The following CCDC3 variants were observed in gnomAD, a reference collection of about 807,000 sequenced individuals.
CCDC3 encodes coiled-coil domain-containing protein 3.
CCDC3 carries 24 observed loss-of-function variants against 21.4 expected under a neutral mutation model. The observed-to-expected ratio is 1.12, with a 90% CI of 0.81 to 1.58. The LOEUF is 1.58. Ranked by LOEUF, CCDC3 falls within the 40% of genes most tolerant of loss-of-function variation. The probability of loss-of-function intolerance (pLI) is 0.00; values close to 1 mark genes in which losing one functional copy is unlikely to be tolerated. For synonymous variants in CCDC3, 186 were observed against 166.0 expected, an observed-to-expected ratio of 1.12 and a Z score of -0.93; for missense variants, 425 against 360.9, an observed-to-expected ratio of 1.18 and a Z score of -1.44.
At chr10:12,940,221 T>C (rs1331979881) in intron 2 of CCDC3, among the ~76,000 whole-genome samples, 3 of 133,990 alleles carry the variant, frequency 2.2e-5, no homozygotes, top group Non-Finnish European at 3.1e-5. Context: ...GAAAGAATCA[T>C]TGAAATTGTT....
intron 1 of CCDC3, among the ~76,000 whole-genome samples, chr10:13,000,098 T>C (rs1442449108): frequency 6.6e-6 from 1 of 152,204 alleles, no homozygotes; most frequent in Non-Finnish European, 1.5e-5. Context: ...AAATGCGAGC[T>C]AAAAGTGAAT....
At chr10:13,087,385 C>T (rs539105828) in intron 3 of CCDC3, among the ~76,000 whole-genome samples, 347 of 138,090 alleles carry the variant, frequency 2.5e-3, no homozygotes, top group African/African-American at 8.5e-3. Context: ...GCCTGGGCAA[C>T]AAGAGTGAAA....
At chr10:12,962,571 C>T (rs1021639794) in intron 2 of CCDC3, among the ~76,000 whole-genome samples, 1 of 152,152 alleles carries the variant, frequency 6.6e-6, no homozygotes, top group African/African-American at 2.4e-5. Context: ...CCACTGCACT[C>T]CAGCCTGGTG....
At chr10:12,921,609 C>T (rs1371944121) in intron 2 of CCDC3, among the ~76,000 whole-genome samples, 1 of 152,200 alleles carries the variant, frequency 6.6e-6, no homozygotes, top group Non-Finnish European at 1.5e-5. Flanking sequence ...TTTAAGTGTA[C>T]ACTTCAGTAG....
At chr10:13,037,267 A>G (rs1836389646) in intron 5 of CCDC3, among the ~76,000 whole-genome samples, 1 of 152,176 alleles carries the variant, frequency 6.6e-6, no homozygotes, top group Non-Finnish European at 1.5e-5. Flanking sequence ...AAAAGTCAAA[A>G]TGTTTTAAAA....
intron 3 of CCDC3, among the ~76,000 whole-genome samples, chr10:13,077,404 G>T (rs1836978502): frequency 6.6e-6 from 1 of 152,264 alleles, no homozygotes; most frequent in Non-Finnish European, 1.5e-5. Flanking sequence ...TGGATAGGAA[G>T]AATCAATATC....
chr10:12,989,485 G>T (rs532606155), intron 2 of CCDC3, among the ~76,000 whole-genome samples: 7 of 152,168 alleles, frequency 4.6e-5, no homozygotes, highest in Non-Finnish European at 1.0e-4. Flanking sequence ...GTAATGGCAC[G>T]ATCTCAGCTC....
intron 2 of CCDC3, among the ~76,000 whole-genome samples, chr10:12,938,140 G>A (rs1396816324): frequency 6.6e-6 from 1 of 152,142 alleles, no homozygotes; most frequent in African/African-American, 2.4e-5. Context: ...TTTAGGGTTG[G>A]AAGGAGGGGT....
At chr10:13,009,605 T>C (rs540655443) in intron 5 of CCDC3, among the ~76,000 whole-genome samples, 106 of 152,162 alleles carry the variant, frequency 7.0e-4, no homozygotes, top group Non-Finnish European at 1.2e-3. Flanking sequence ...AGTCCAGAAA[T>C]AAACCCATAA....
At chr10:13,089,290 A>AT (rs1323600837) in intron 3 of CCDC3, among the ~76,000 whole-genome samples, 2 of 148,862 alleles carry the variant, frequency 1.3e-5, no homozygotes, top group Non-Finnish European at 3.0e-5. Context: ...ATTTATGAAT[A>AT]TTTGTAAGTG....
intron 5 of CCDC3, among the ~76,000 whole-genome samples, chr10:13,045,425 G>T (rs1429963271): frequency 1.3e-5 from 2 of 151,884 alleles, no homozygotes; most frequent in African/African-American, 4.8e-5. Context: ...CGGATCACAA[G>T]GGCACCATCC....
chr10:12,931,208 C>CAA (rs67541166), intron 2 of CCDC3, among the ~76,000 whole-genome samples: 7,203 of 74,850 alleles, frequency 0.096, 708 homozygotes, highest in Middle Eastern at 0.16. Flanking sequence ...AAGACTCTGT[C>CAA]AAAAAAAAAA....
At chr10:13,064,769 C>T (rs1836804240) in intron 4 of CCDC3, among the ~76,000 whole-genome samples, 1 of 152,056 alleles carries the variant, frequency 6.6e-6, no homozygotes, top group Admixed American at 6.5e-5. Flanking sequence ...GCCTGGGCGA[C>T]AGAATGAGAC....
intron 5 of CCDC3, among the ~76,000 whole-genome samples, chr10:13,020,125 A>T (rs1367064454): frequency 6.6e-6 from 1 of 152,210 alleles, no homozygotes; most frequent in Non-Finnish European, 1.5e-5. Flanking sequence ...TCTTCAAAAC[A>T]ATTTTCACTT....
intron 4 of CCDC3, among the ~76,000 whole-genome samples, chr10:13,051,798 G>C (rs1836611353): frequency 1.3e-5 from 2 of 152,112 alleles, no homozygotes; most frequent in African/African-American, 4.8e-5. Flanking sequence ...GGCATGGAGG[G>C]TGGTGGGAGC....
At chr10:12,970,827 T>A (rs1589025987) in intron 2 of CCDC3, among the ~76,000 whole-genome samples, 1 of 151,586 alleles carries the variant, frequency 6.6e-6, no homozygotes, top group Non-Finnish European at 1.5e-5. Flanking sequence ...GAGGTGGAGG[T>A]TGCAGTGAGC....
At chr10:12,930,693 G>T (rs1834624606) in intron 2 of CCDC3, among the ~76,000 whole-genome samples, 1 of 152,084 alleles carries the variant, frequency 6.6e-6, no homozygotes, top group African/African-American at 2.4e-5. Context: ...TGATGAGTTG[G>T]GGGACTATGC....
At chr10:13,031,492 G>C (rs1020483590) in intron 5 of CCDC3, among the ~76,000 whole-genome samples, 3 of 152,034 alleles carry the variant, frequency 2.0e-5, no homozygotes, top group Non-Finnish European at 4.4e-5. Flanking sequence ...AAATAACTAA[G>C]ATCAGAGCAG....
At chr10:13,092,868 C>T (rs1037173705) in intron 3 of CCDC3, among the ~76,000 whole-genome samples, 1 of 152,150 alleles carries the variant, frequency 6.6e-6, no homozygotes, top group African/African-American at 2.4e-5. Flanking sequence ...GTCTCCTGGC[C>T]TATAACAGGG....
Sources: gnomAD v4.1 joint callset for allele counts (sites outside exome capture counted in the v4.1 genomes callset) on GRCh38, gnomAD v4.1.1 for gene constraint, MANE v1.5 for transcripts, NCBI Gene and HGNC (gene_info 2026-07-23, HGNC 2026-07-21) for gene names.